STK31: variants seen among roughly 807,000 people sequenced by gnomAD.
The protein encoded by STK31 is serine/threonine-protein kinase 31.
In STK31, 89 loss-of-function variants were observed where a neutral mutation model predicts 129.7. The ratio of observed to expected loss-of-function variants is 0.69; its 90% CI spans 0.58 to 0.82. The LOEUF (loss-of-function observed/expected upper bound fraction) is 0.82. Among genes scored for constraint, STK31 ranks in the 40% least tolerant of loss-of-function variants. STK31 has a pLI of 0.00. For synonymous variants in STK31, 448 were observed against 395.3 expected (o/e 1.13, Z -1.58); for missense variants, 1,187 against 1,176.4 (o/e 1.01, Z -0.13).
intron 1 of STK31, chr7:23,710,793 T>G: frequency 9.9e-7 from 1 of 1,013,874 alleles, no homozygotes; most frequent in Non-Finnish European, 1.2e-6. Flanking sequence ...AAAATAAGAT[T>G]TAAAAACTAC....
At position 23,808,943 on chromosome 7, in the gene STK31, T is replaced by G. The variant is rs890914357; in HGVS notation, c.2761-6201T>G. Among the ~76,000 whole-genome samples the G allele has an allele frequency of 1.5e-4, 13 of 84,538 alleles. No individual in the cohort carries two copies. In the East Asian group the frequency reaches 1.7e-3, roughly 11 times the overall value. 55.5% of individuals were successfully genotyped at this position (84,538 alleles called of 152,430 possible). A position where few individuals can be genotyped will look rare whatever the true frequency, so the allele number is the denominator to read the frequency against. ...AGGAAGCAGGCTTTTCTTGGAGCTTTTGTGTGTGTGTGTGTGTGTGTGTGT... is the reference window on the plus strand; with the variant it reads ...AGGAAGCAGGCTTTTCTTGGAGCTTGTGTGTGTGTGTGTGTGTGTGTGTGT... On this transcript the variant is annotated intron_variant, in intron 22 of 23. Coordinates refer to ENST00000355870, the MANE Select transcript of STK31 (RefSeq NM_031414.5).
chr7:23,759,760 T>C (rs1789341369), intron 10 of STK31, among the ~76,000 whole-genome samples: 1 of 152,212 alleles, frequency 6.6e-6, no homozygotes, highest in African/African-American at 2.4e-5. Context: ...CTTATGATTG[T>C]CAAACTGCAT....
chr7:23,710,144 G>A (rs1253020123), upstream of STK31: 3 of 1,457,470 alleles, frequency 2.1e-6, no homozygotes, highest in Non-Finnish European at 2.8e-6. Context: ...GCGGCAGGCC[G>A]TGGCTGCCAC....
At chr7:23,795,757 G>A (rs1378595743) in intron 22 of STK31, among the ~76,000 whole-genome samples, 1 of 152,224 alleles carries the variant, frequency 6.6e-6, no homozygotes, top group Admixed American at 6.5e-5. Context: ...GGAGTCAAAG[G>A]AGATCATTTT....
Position 23,727,233 on chromosome 7 carries a change from C to G in STK31, c.250-8C>G. 1 of 1,612,870 alleles carries G rather than the reference C, an allele frequency of 6.2e-7. No individual in the cohort carries two copies. Among genetic ancestry groups the G allele is most frequent in the Non-Finnish European group, 8.5e-7 (1 of 1,179,304 alleles). ...GCCAAGTAATTTTGCTTTCTTTTCT[C>G]TTTGTAGATTTATGGTGGATTATTT... On this transcript the variant is annotated splice_region_variant and splice_polypyrimidine_tract_variant and intron_variant, in intron 4 of 23. Transcript: ENST00000355870.
chr7:23,787,910 T>C, intron 20 of STK31, 70 bp from the exon 21 acceptor site: 2 of 1,407,728 alleles, frequency 1.4e-6, no homozygotes, highest in Admixed American at 5.1e-5. Context: ...AGTCTTTTAA[T>C]TAGAGAACAG....
At chr7:23,792,875 T>C (rs1791728487) in intron 22 of STK31, among the ~76,000 whole-genome samples, 1 of 152,068 alleles carries the variant, frequency 6.6e-6, no homozygotes, top group African/African-American at 2.4e-5. Context: ...AAAATAGAAA[T>C]TAGCTGGGTG....
chr7:23,737,085 T>G lies in STK31; in HGVS notation c.1017+7T>G, dbSNP rs745881521. On this transcript the variant is annotated splice_region_variant and intron_variant, in intron 8 of 23. Coordinates refer to ENST00000355870, the MANE Select transcript of STK31 (RefSeq NM_031414.5). ...GATTGCCCAGGAGCTGCAGGTATGTTCAGTGGCTTAAGGTGAAGAGTGTCC... is the reference window on the plus strand; with the variant it reads ...GATTGCCCAGGAGCTGCAGGTATGTGCAGTGGCTTAAGGTGAAGAGTGTCC... 4.4e-6 allele frequency: 7 copies of G among 1,595,230 alleles called. No individual in the cohort carries two copies. The highest frequency in any genetic ancestry group is 4.3e-6 in the Non-Finnish European group (5 of 1,175,352).
chr7:23,791,268 T>G, intron 22 of STK31: 1 of 985,262 alleles, frequency 1.0e-6, no homozygotes, highest in Non-Finnish European at 1.2e-6. Context: ...TTGGGTATAT[T>G]CCTGCTTCCA....
intron 11 of STK31, among the ~76,000 whole-genome samples, chr7:23,767,285 C>G (rs1416599478): frequency 6.6e-6 from 1 of 152,154 alleles, no homozygotes; most frequent in Non-Finnish European, 1.5e-5. Flanking sequence ...TCCTCAAGAT[C>G]TCATATTCCC....
At chr7:23,727,109 A>G in intron 4 of STK31, 132 bp from the exon 5 acceptor site, 2 of 709,668 alleles carry the variant, frequency 2.8e-6, no homozygotes, top group Non-Finnish European at 4.8e-6. Context: ...GCCTGATAGG[A>G]TTGTGAGAAT....
intron 21 of STK31, among the ~76,000 whole-genome samples, chr7:23,789,907 A>G (rs762342187): frequency 1.3e-5 from 2 of 152,128 alleles, no homozygotes; most frequent in Non-Finnish European, 2.9e-5. Flanking sequence ...TACATTTTCC[A>G]TGCAATTTTC....
chr7:23,782,025 G>T (rs1238032498), intron 16 of STK31, among the ~76,000 whole-genome samples: 1 of 152,182 alleles, frequency 6.6e-6, no homozygotes, highest in Non-Finnish European at 1.5e-5. Flanking sequence ...GGGGGCAGGA[G>T]AAGTTACATC....
rs1793789211 is a variant in STK31 at position 23,821,616 on chromosome 7, T to C, written c.2829+6404T>C. ...TCAACAAATTGTCTCTTACACTCTGTTGATTATTTCCTTTGCTGTGCAGAA... is the reference window on the plus strand; with the variant it reads ...TCAACAAATTGTCTCTTACACTCTGCTGATTATTTCCTTTGCTGTGCAGAA... On this transcript the variant is annotated intron_variant, in intron 23 of 23. Coordinates refer to ENST00000355870, the MANE Select transcript of STK31 (RefSeq NM_031414.5). Among the ~76,000 whole-genome samples the C allele has an allele frequency of 2.0e-5, 3 of 152,196 alleles. No homozygotes were observed. The South Asian group carries it at 6.2e-4, about 31-fold the overall frequency.
chr7:23,813,888 A>G (rs993467675), intron 22 of STK31, among the ~76,000 whole-genome samples: 1 of 151,804 alleles, frequency 6.6e-6, no homozygotes, highest in Non-Finnish European at 1.5e-5. Context: ...TTACTGGACC[A>G]GCTGCTTGTG....
In STK31 at chr7:23,814,146, C is replaced by CTTTTTTTTTTTTTTT. The variant is rs71552259; in HGVS notation, c.2761-996_2761-995insTTTTTTTTTTTTTTT. Among the ~76,000 whole-genome samples, 489 of 98,874 alleles carry CTTTTTTTTTTTTTTT rather than the reference C, an allele frequency of 4.9e-3. 165 individuals are homozygous for CTTTTTTTTTTTTTTT. Among genetic ancestry groups the CTTTTTTTTTTTTTTT allele is most frequent in the Non-Finnish European group, 6.3e-3 (334 of 53,196 alleles). The allele number at this position is 98,874 out of a possible 152,430, so 64.9% of individuals were successfully genotyped here. A position where few individuals can be genotyped will look rare whatever the true frequency, so the allele number is the denominator to read the frequency against. ...GTTGGGAAACATCAGATCTGGCTCACTTATTTTTTTTTTTTTTTCAGTTGG... is the reference window on the plus strand; with the variant it reads ...GTTGGGAAACATCAGATCTGGCTCACTTTTTTTTTTTTTTTTTATTTTTTTTTTTTTTTCAGTTGG... On this transcript the variant is annotated intron_variant, in intron 22 of 23. Transcript: ENST00000355870.
intron 3 of STK31, among the ~76,000 whole-genome samples, chr7:23,716,262 T>C (rs1584316021): frequency 6.6e-6 from 1 of 152,202 alleles, no homozygotes; most frequent in South Asian, 2.1e-4. Context: ...TGATTTCTTA[T>C]GAATAGATTA....
Position 23,780,700 on chromosome 7 carries a change from C to T in STK31, c.1966-719C>T, listed in dbSNP as rs1584434850. ...GATGACTTAGAGTTCTGTCCTTTGT[C>T]CTGCACCTGAGAAAATAAGCCATCA... is the stretch of plus-strand genomic sequence containing the variant. On this transcript the variant is annotated intron_variant, in intron 15 of 23. Transcript: ENST00000355870. 2.0e-5 allele frequency among the ~76,000 whole-genome samples: 3 copies of T among 152,238 alleles called. No individual in the cohort carries two copies. The East Asian group carries it at 5.8e-4, about 29-fold the overall frequency.
At chr7:23,722,491 G>A (rs1584327577) in intron 4 of STK31, 1 of 152,814 alleles carries the variant, frequency 6.5e-6, no homozygotes, top group Admixed American at 6.5e-5. Context: ...GTGTCAGTCT[G>A]CCCCTACTGG....
Sources: gnomAD v4.1 joint callset for allele counts (sites outside exome capture counted in the v4.1 genomes callset) on GRCh38, gnomAD v4.1.1 for gene constraint, MANE v1.5 for transcripts, NCBI Gene and HGNC (gene_info 2026-07-23, HGNC 2026-07-21) for gene names.